GPAT4: variants seen among roughly 807,000 people sequenced by gnomAD.
GPAT4 encodes the protein glycerol-3-phosphate acyltransferase 4, also known as 1-AGP acyltransferase 6.
GPAT4 carries 17 observed loss-of-function variants against 58.0 expected under a neutral mutation model. The observed-to-expected ratio is 0.29, with a 90% CI of 0.20 to 0.44. The LOEUF is 0.44. GPAT4 is among the 20% of genes least tolerant of loss of function. The pLI is 1.00. For missense variants in GPAT4, 377 were observed against 574.5 expected (o/e 0.66, Z 3.51); for synonymous variants, 204 against 210.1 (o/e 0.97, Z 0.25).
chr8:41,587,228 G>T (rs894810298), intron 1 of GPAT4, among the ~76,000 whole-genome samples: 2 of 152,238 alleles, frequency 1.3e-5, no homozygotes, highest in Non-Finnish European at 2.9e-5. Context: ...CTGTGGCCAT[G>T]TTTGCCTCCC....
At chr8:41,612,136 G>A (rs1485967123) in intron 6 of GPAT4, 44 bp from the exon 7 acceptor site, 2 of 1,606,138 alleles carry the variant, frequency 1.2e-6, no homozygotes, top group South Asian at 2.2e-5. Flanking sequence ...TACATGAACT[G>A]TTTCACACTA....
chr8:41,589,273 T>C (rs1802730031), intron 1 of GPAT4, among the ~76,000 whole-genome samples: 1 of 151,948 alleles, frequency 6.6e-6, no homozygotes, highest in East Asian at 1.9e-4. Flanking sequence ...TGTTGTTTAG[T>C]GTTGGCCAAA....
chr8:41,615,130 C>T, intron 10 of GPAT4, 82 bp downstream of exon 10: 1 of 1,274,598 alleles, frequency 7.8e-7, no homozygotes, highest in Non-Finnish European at 1.1e-6. Flanking sequence ...GAGGAAGGAG[C>T]TGGGGTCACC....
chr8:41,583,054 C>T (rs1166502063), intron 1 of GPAT4, among the ~76,000 whole-genome samples: 1 of 151,978 alleles, frequency 6.6e-6, no homozygotes, highest in South Asian at 2.1e-4. Flanking sequence ...GAAACCCCTT[C>T]TCCACTAAAA....
Position 41,599,097 on chromosome 8 carries a change from G to A in GPAT4, c.-43G>A. 1.9e-6 allele frequency: 3 copies of A among 1,577,464 alleles called. No homozygotes were observed. The African/African-American group carries it at 4.1e-5, about 22-fold the overall frequency. ...AAGGACCATCTGAAGGCTGCAATTTGTTCTTAGGGAGGCAGGTGCTGGCCT... is the reference window on the plus strand; with the variant it reads ...AAGGACCATCTGAAGGCTGCAATTTATTCTTAGGGAGGCAGGTGCTGGCCT... On this transcript the variant is annotated 5_prime_UTR_variant, in exon 2 of 13. Coordinates refer to ENST00000396987, the MANE Select transcript of GPAT4 (RefSeq NM_178819.4).
chr8:41,612,998 A>G, intron 8 of GPAT4, 38 bp downstream of exon 8: 2 of 1,581,822 alleles, frequency 1.3e-6, no homozygotes, highest in Non-Finnish European at 8.7e-7. Context: ...TTGGCCAGTT[A>G]GAATGCTGAA....
intron 1 of GPAT4, among the ~76,000 whole-genome samples, chr8:41,595,667 T>C (rs1585656825): frequency 2.0e-5 from 3 of 152,288 alleles, no homozygotes; most frequent in Admixed American, 2.0e-4. Flanking sequence ...TAGGGTACAC[T>C]TTTTTTCTTA....
chr8:41,604,532 G>A (rs898567228), intron 2 of GPAT4, among the ~76,000 whole-genome samples: 3 of 152,248 alleles, frequency 2.0e-5, no homozygotes, highest in Admixed American at 6.5e-5. Flanking sequence ...CCCCTCCACA[G>A]TGGTGATGGT....
intron 1 of GPAT4, among the ~76,000 whole-genome samples, chr8:41,582,241 T>C (rs548372958): frequency 2.0e-5 from 3 of 151,556 alleles, no homozygotes; most frequent in Non-Finnish European, 4.4e-5. Context: ...TGACCTCAGG[T>C]GATCCACCCA....
At chr8:41,599,401 T>C in intron 2 of GPAT4, 97 bp downstream of exon 2, 1 of 1,414,584 alleles carries the variant, frequency 7.1e-7, no homozygotes, top group East Asian at 2.3e-5. Context: ...CTTTATTAGA[T>C]AGGGAGAAAG....
At chr8:41,609,074 G>A (rs1803362950) in intron 2 of GPAT4, among the ~76,000 whole-genome samples, 1 of 152,228 alleles carries the variant, frequency 6.6e-6, no homozygotes, top group East Asian at 1.9e-4. Flanking sequence ...CTGCCGTGCG[G>A]CAGTGCAGGA....
At chr8:41,580,896 A>G (rs760230962) in intron 1 of GPAT4, among the ~76,000 whole-genome samples, 23 of 152,166 alleles carry the variant, frequency 1.5e-4, no homozygotes, top group Non-Finnish European at 3.1e-4. Context: ...CTAACTTGCT[A>G]AGTGGTTTCT....
At chr8:41,609,041 C>T (rs1803361679) in intron 2 of GPAT4, among the ~76,000 whole-genome samples, 1 of 152,194 alleles carries the variant, frequency 6.6e-6, no homozygotes, top group South Asian at 2.1e-4. Flanking sequence ...TTACAGGATA[C>T]CTGGCTTCGC....
At chr8:41,596,236 A>G (rs1802927818) in intron 1 of GPAT4, among the ~76,000 whole-genome samples, 2 of 152,002 alleles carry the variant, frequency 1.3e-5, no homozygotes, top group African/African-American at 4.8e-5. Flanking sequence ...CTTCCTTGAG[A>G]CAAAACACCA....
At position 41,600,055 on chromosome 8, in the gene GPAT4, C is replaced by CTT. The variant is rs1803044373; in HGVS notation, c.165+751_165+752insTT. Among the ~76,000 whole-genome samples the CTT allele has an allele frequency of 5.3e-5, 5 of 95,062 alleles. No individual in the cohort carries two copies. In the South Asian group the frequency reaches 1.1e-3, roughly 20 times the overall value. 62.4% of individuals were successfully genotyped at this position (95,062 alleles called of 152,430 possible). A position where few individuals can be genotyped will look rare whatever the true frequency, so the allele number is the denominator to read the frequency against. On this transcript the variant is annotated intron_variant, in intron 2 of 12. Transcript: ENST00000396987. ...TCTTTTCTTTTTTTTTTTTTTTTTT[C>CTT]GAGACAAGAGTCTCACTCTGTCGCC...
chr8:41,612,396 G>C (rs992631881), intron 7 of GPAT4, 123 bp downstream of exon 7: 1 of 896,952 alleles, frequency 1.1e-6, no homozygotes, highest in Non-Finnish European at 1.7e-6. Flanking sequence ...CCACCTTACT[G>C]TCACTGTGGG....
At chr8:41,591,092 A>G (rs1336714990) in intron 1 of GPAT4, among the ~76,000 whole-genome samples, 3 of 152,072 alleles carry the variant, frequency 2.0e-5, no homozygotes, top group Non-Finnish European at 2.9e-5. Flanking sequence ...TTACAACTCT[A>G]AGGGGTTCCA....
intron 2 of GPAT4, among the ~76,000 whole-genome samples, chr8:41,602,350 T>G (rs377399784): frequency 6.6e-6 from 1 of 152,328 alleles, no homozygotes; most frequent in East Asian, 1.9e-4. Flanking sequence ...TTTGCACTCC[T>G]TCCTTCCTTA....
intron 1 of GPAT4, among the ~76,000 whole-genome samples, chr8:41,596,884 C>G (rs748618772): frequency 3.3e-5 from 5 of 152,212 alleles, no homozygotes; most frequent in Non-Finnish European, 7.3e-5. Flanking sequence ...CCCGAGTAAG[C>G]AATTCCTGTC....
Sources: gnomAD v4.1 joint callset for allele counts (sites outside exome capture counted in the v4.1 genomes callset) on GRCh38, gnomAD v4.1.1 for gene constraint, MANE v1.5 for transcripts, NCBI Gene and HGNC (gene_info 2026-07-23, HGNC 2026-07-21) for gene names.